The following AHRR variants were observed in gnomAD, a reference collection of about 807,000 sequenced individuals.
The protein encoded by AHRR is ahR repressor.
In AHRR, 28 loss-of-function variants were observed where a neutral mutation model predicts 44.0. The ratio of observed to expected loss-of-function variants is 0.64; its 90% CI spans 0.47 to 0.87. The LOEUF is 0.87. Among genes scored for constraint, AHRR ranks in the 40% least tolerant of loss-of-function variants. The pLI is 0.00. For synonymous variants in AHRR, 434 were observed against 407.0 expected (o/e 1.07, Z -0.80); for missense variants, 990 against 953.9 (o/e 1.04, Z -0.50).
At chr5:421,058 A>T (rs545144875) in intron 5 of AHRR, 1 of 526,922 alleles carries the variant, frequency 1.9e-6, no homozygotes, top group South Asian at 2.2e-5. Flanking sequence ...TATCCACCGC[A>T]GCGACTAAAA....
chr5:420,890 C>T, intron 5 of AHRR: 2 of 345,086 alleles, frequency 5.8e-6, no homozygotes, highest in Non-Finnish European at 1.1e-5. Flanking sequence ...CACGCACAGA[C>T]CCACGCACGC....
At position 432,338 on chromosome 5, in the gene AHRR, G is replaced by C; in HGVS notation, c.909-125G>C. 3 of 857,866 alleles carry C rather than the reference G, an allele frequency of 3.5e-6. No homozygotes were observed. In the South Asian group the frequency reaches 4.5e-5, roughly 13 times the overall value. 53.1% of individuals were successfully genotyped at this position (857,866 alleles called of 1,614,324 possible). The stretch of plus-strand genomic sequence containing the variant: ...TAAACAAGAGTGAACTATTGTTTCT[G>C]TCTTCACTGCTCAGGTGTGACAGCA... On this transcript the variant is annotated intron_variant, in intron 8 of 10. Coordinates refer to ENST00000684583, the MANE Select transcript of AHRR (RefSeq NM_001377236.1).
At chr5:340,686 A>T (rs28815302) in intron 1 of AHRR, among the ~76,000 whole-genome samples, 353 of 19,398 alleles carry the variant, frequency 0.018, 10 homozygotes, top group Middle Eastern at 0.025. Context: ...ATATATATAT[A>T]TATTTTTTTT....
At chr5:362,483 A>C (rs1460872655) in intron 3 of AHRR, among the ~76,000 whole-genome samples, 1 of 151,478 alleles carries the variant, frequency 6.6e-6, no homozygotes, top group Non-Finnish European at 1.5e-5. Flanking sequence ...CCTTTCCCTC[A>C]CCCCCTTCCT....
chr5:403,654 A>AAAT (rs1735126744), intron 4 of AHRR: 1 of 542,638 alleles, frequency 1.8e-6, no homozygotes, highest in Non-Finnish European at 3.2e-6. Context: ...AAAAAAAAAA[A>AAAT]GTAACCACTT....
Position 434,257 on chromosome 5 carries a change from C to T in AHRR, c.1517C>T (p.Pro506Leu). 1 of 1,601,314 alleles carries T rather than the reference C, an allele frequency of 6.2e-7. No individual in the cohort carries two copies. The highest frequency in any genetic ancestry group is 8.5e-7 in the Non-Finnish European group (1 of 1,173,682). The change falls in exon 11 of 11, where the codon CCC becomes CTC. Residue 506 changes from proline (P) to leucine (L), a missense_variant. Physicochemically the swap from Pro to Leu is moderately conservative, Grantham distance 98 (BLOSUM62 -3). Transcript: ENST00000684583. ...GAQRFATRGY[P>L]MEDMKLQGVP... Reference sequence around the variant, plus strand: ...CAGCGTTTTGCCACGAGGGGCTATCCCATGGAGGACATGAAGCTGCAAGGT... The same window carrying T: ...CAGCGTTTTGCCACGAGGGGCTATCTCATGGAGGACATGAAGCTGCAAGGT...
chr5:422,889 A>C (rs372955294), intron 6 of AHRR, 31 bp downstream of exon 6: 79 of 1,595,670 alleles, frequency 5.0e-5, no homozygotes, highest in Non-Finnish European at 6.2e-5. Flanking sequence ...TGAGTCAGCA[A>C]AACCTAAAGC....
intron 3 of AHRR, among the ~76,000 whole-genome samples, chr5:359,484 G>GGT (rs2126404709): frequency 6.6e-6 from 1 of 152,326 alleles, no homozygotes; most frequent in East Asian, 1.9e-4. Context: ...GGGGCACAGA[G>GGT]GTGTGTGTTC....
rs1276658304 is a variant in AHRR at position 419,208 on chromosome 5, A to AGGCT, written c.442-3518_442-3515dup. On this transcript the variant is annotated intron_variant, in intron 5 of 10. Coordinates refer to ENST00000684583, the MANE Select transcript of AHRR (RefSeq NM_001377236.1). The surrounding 1 kb of genome is among the most constrained non-coding windows in gnomAD (Gnocchi z 4.4). Reference sequence around the variant, plus strand: ...TTGAGACAGTCTTGCTCTGTTGTCCAGGCTGGAGTGCAGTGGCACAATCTC... The same window carrying AGGCT: ...TTGAGACAGTCTTGCTCTGTTGTCCAGGCTGGCTGGAGTGCAGTGGCACAATCTC... 3.3e-5 allele frequency: 5 copies of AGGCT among 149,896 alleles called. No individual in the cohort carries two copies. Among genetic ancestry groups the AGGCT allele is most frequent in the African/African-American group, 9.9e-5 (4 of 40,544 alleles). The allele number at this position is 149,896 out of a possible 1,614,324, so 9.3% of individuals were successfully genotyped here.
intron 3 of AHRR, among the ~76,000 whole-genome samples, chr5:375,547 A>G (rs1743751836): frequency 6.6e-6 from 1 of 152,198 alleles, no homozygotes; most frequent in Non-Finnish European, 1.5e-5. Flanking sequence ...TGCTGGCCTT[A>G]AGGTGCCATG....
At chr5:355,606 C>T (rs148341019) in intron 3 of AHRR, among the ~76,000 whole-genome samples, 34 of 152,330 alleles carry the variant, frequency 2.2e-4, no homozygotes, top group African/African-American at 8.2e-4. Flanking sequence ...CAGGGCTTGA[C>T]GGCCTCAGAA....
chr5:360,503 T>G (rs988970782), intron 3 of AHRR, among the ~76,000 whole-genome samples: 60 of 152,158 alleles, frequency 3.9e-4, no homozygotes, highest in Admixed American at 3.9e-3. Flanking sequence ...AGGTGTGTGC[T>G]AGAAAGAGCC....
intron 5 of AHRR, 50 bp downstream of exon 5, chr5:413,483 T>C: frequency 7.6e-7 from 1 of 1,313,746 alleles, no homozygotes; most frequent in Non-Finnish European, 1.1e-6. Flanking sequence ...TATGTTGTCT[T>C]CCCTTTGTAA....
At chr5:376,868 C>T in intron 4 of AHRR, 152 bp downstream of exon 4, 2 of 705,410 alleles carry the variant, frequency 2.8e-6, no homozygotes, top group Non-Finnish European at 4.7e-6. Context: ...GAAGCGTAGG[C>T]TCCAAAATCT....
intron 5 of AHRR, among the ~76,000 whole-genome samples, chr5:415,911 G>C (rs1418654005): frequency 8.0e-6 from 1 of 125,000 alleles, no homozygotes; most frequent in Non-Finnish European, 1.8e-5. Context: ...CCTTGCTGGT[G>C]ATTCTGCAAA....
intron 5 of AHRR, chr5:421,117 A>C: frequency 1.8e-6 from 1 of 551,826 alleles, no homozygotes. Flanking sequence ...CAGCGGCTGG[A>C]GCGTTCGCGC....
At chr5:381,259 C>G (rs1000443044) in intron 4 of AHRR, among the ~76,000 whole-genome samples, 10 of 152,222 alleles carry the variant, frequency 6.6e-5, no homozygotes, top group Middle Eastern at 3.2e-3. Flanking sequence ...GCTGTCTAGG[C>G]ATCTCTCAAT....
Position 343,978 on chromosome 5 carries a change from C to G in AHRR, c.62+14C>G. 6.3e-7 allele frequency: 1 copy of G among 1,593,668 alleles called. No individual in the cohort carries two copies. The highest frequency in any genetic ancestry group is 8.5e-7 in the Non-Finnish European group (1 of 1,171,112). ...CCTGCAGAAACAGTAAAGTATCCCGCCTTCTGCTTGTGTGGGTTGTTGCAC... is the reference window on the plus strand; with the variant it reads ...CCTGCAGAAACAGTAAAGTATCCCGGCTTCTGCTTGTGTGGGTTGTTGCAC... On this transcript the variant is annotated intron_variant, in intron 2 of 10. Coordinates refer to ENST00000684583, the MANE Select transcript of AHRR (RefSeq NM_001377236.1).
chr5:331,157 G>A (rs1271116190), intron 1 of AHRR, among the ~76,000 whole-genome samples: 1 of 152,186 alleles, frequency 6.6e-6, no homozygotes, highest in African/African-American at 2.4e-5. Context: ...TTACAGGCGT[G>A]AGCCACTGCG....
Sources: allele counts gnomAD v4.1 joint callset (sites outside exome capture counted in the v4.1 genomes callset), GRCh38; gene constraint gnomAD v4.1.1; non-coding constraint Gnocchi (gnomAD v3.1); transcripts MANE v1.5; gene names NCBI Gene and HGNC (gene_info 2026-07-23, HGNC 2026-07-21).